The following NRXN3 variants were observed in gnomAD, a reference collection of about 807,000 sequenced individuals.
NRXN3 encodes neurexin 3, also known as neurexin III.
Under a neutral mutation model 137.6 loss-of-function variants are expected in NRXN3, and 32 were observed. The ratio of observed to expected loss-of-function variants is 0.23; its 90% CI spans 0.18 to 0.31. The LOEUF is 0.31. Among genes scored for constraint, NRXN3 ranks in the 10% least tolerant of loss-of-function variants. The pLI is 1.00. For synonymous variants in NRXN3, 798 were observed against 784.5 expected (o/e 1.02, Z -0.29); for missense variants, 1,574 against 2,062.5 (o/e 0.76, Z 4.59).
chr14:78,872,503 C>G (rs946356963), intron 10 of NRXN3, among the ~76,000 whole-genome samples: 10 of 151,462 alleles, frequency 6.6e-5, no homozygotes, highest in African/African-American at 1.9e-4. Flanking sequence ...ACCTTAGTCT[C>G]TTGTTTCATA....
At chr14:78,627,238 C>T (rs1434976059) in intron 4 of NRXN3, among the ~76,000 whole-genome samples, 1 of 151,538 alleles carries the variant, frequency 6.6e-6, no homozygotes, top group Non-Finnish European at 1.5e-5. Context: ...CTTTGTTTTT[C>T]CCTAGACTTG....
chr14:78,828,836 C>T (rs529670717), intron 10 of NRXN3, among the ~76,000 whole-genome samples: 13 of 152,210 alleles, frequency 8.5e-5, no homozygotes, highest in Admixed American at 1.3e-4. Flanking sequence ...TGCATAAAGA[C>T]TTAAGTGAGT....
intron 15 of NRXN3, among the ~76,000 whole-genome samples, chr14:79,069,602 A>C (rs2099685001): frequency 6.6e-6 from 1 of 150,706 alleles, no homozygotes; most frequent in Non-Finnish European, 1.5e-5. Flanking sequence ...CACTTTTCTG[A>C]TGAGTTAAAA....
chr14:78,431,747 GTAATAA>G (rs1382841908), intron 4 of NRXN3, among the ~76,000 whole-genome samples: 4 of 152,048 alleles, frequency 2.6e-5, no homozygotes, highest in South Asian at 2.1e-4. Flanking sequence ...AGATTATAAA[GTAATAA>G]TAATAATAGC....
intron 17 of NRXN3, among the ~76,000 whole-genome samples, chr14:79,684,899 G>A (rs557882699): frequency 6.6e-6 from 1 of 152,140 alleles, no homozygotes; most frequent in Admixed American, 6.6e-5. Flanking sequence ...CACAGAGGGT[G>A]GACACGTGGG....
chr14:78,514,823 T>C (rs1413801163), intron 4 of NRXN3, among the ~76,000 whole-genome samples: 1 of 151,772 alleles, frequency 6.6e-6, no homozygotes, highest in Non-Finnish European at 1.5e-5. Flanking sequence ...ACCACTTGGG[T>C]TGGGTGATAT....
chr14:79,486,622 A>G (rs1435870568), intron 16 of NRXN3, among the ~76,000 whole-genome samples: 1 of 152,240 alleles, frequency 6.6e-6, no homozygotes, highest in African/African-American at 2.4e-5. Context: ...CATTTTAGAT[A>G]TGAAGATATG....
At chr14:79,210,498 T>C (rs1366157473) in intron 15 of NRXN3, among the ~76,000 whole-genome samples, 1 of 152,174 alleles carries the variant, frequency 6.6e-6, no homozygotes, top group African/African-American at 2.4e-5. Flanking sequence ...CAACTAACAC[T>C]CTGGTTTATA....
At chr14:79,580,829 G>C (rs2097708636) in intron 16 of NRXN3, among the ~76,000 whole-genome samples, 1 of 152,026 alleles carries the variant, frequency 6.6e-6, no homozygotes, top group African/African-American at 2.4e-5. Context: ...TTAGCATATG[G>C]ACAGAAGGAA....
At chr14:79,656,608 C>A (rs991706348) in intron 16 of NRXN3, among the ~76,000 whole-genome samples, 1 of 148,706 alleles carries the variant, frequency 6.7e-6, no homozygotes, top group African/African-American at 2.5e-5. Flanking sequence ...TCCCTACTCT[C>A]TCTCTCTCTT....
intron 8 of NRXN3, among the ~76,000 whole-genome samples, chr14:78,755,849 T>A (rs1354836485): frequency 6.6e-6 from 1 of 152,216 alleles, no homozygotes. Context: ...TATCTGTATG[T>A]TTACCTATCT....
chr14:78,750,308 A>G (rs1441473610), intron 8 of NRXN3, among the ~76,000 whole-genome samples: 1 of 152,238 alleles, frequency 6.6e-6, no homozygotes, highest in Admixed American at 6.5e-5. Flanking sequence ...TCCTGGGTTC[A>G]TGAATGACAA....
At chr14:79,536,066 G>T (rs1208131619) in intron 16 of NRXN3, among the ~76,000 whole-genome samples, 2 of 152,194 alleles carry the variant, frequency 1.3e-5, no homozygotes, top group African/African-American at 4.8e-5. Flanking sequence ...TGTGTTTGAT[G>T]AGAGGATGGT....
intron 19 of NRXN3, among the ~76,000 whole-genome samples, chr14:79,790,379 T>C (rs1246673303): frequency 6.6e-6 from 1 of 152,060 alleles, no homozygotes; most frequent in East Asian, 1.9e-4. Context: ...CATGGCTCAC[T>C]GGAGCCTCAA....
At chr14:78,948,467 A>G (rs2099373961) in intron 10 of NRXN3, among the ~76,000 whole-genome samples, 1 of 152,140 alleles carries the variant, frequency 6.6e-6, no homozygotes, top group Admixed American at 6.5e-5. Context: ...GGACCATCAA[A>G]CTGTCTGAGC....
intron 10 of NRXN3, among the ~76,000 whole-genome samples, chr14:78,863,964 G>GA (rs1194145623): frequency 6.6e-6 from 1 of 152,040 alleles, no homozygotes; most frequent in Non-Finnish European, 1.5e-5. Context: ...CTTAGTAGAT[G>GA]AAAAATAGTA....
intron 15 of NRXN3, among the ~76,000 whole-genome samples, chr14:79,119,601 G>A (rs190445605): frequency 5.5e-4 from 83 of 152,242 alleles, no homozygotes; most frequent in African/African-American, 1.9e-3. Context: ...CCCAAAAGAT[G>A]AGATGAATCC....
At chr14:78,453,574 TAAGA>T (rs1231606496) in intron 4 of NRXN3, among the ~76,000 whole-genome samples, 1 of 152,232 alleles carries the variant, frequency 6.6e-6, no homozygotes, top group East Asian at 1.9e-4. Context: ...TTTTCCAGCA[TAAGA>T]AAGAGCATCC....
chr14:79,127,961 G>C (rs1325419250), intron 15 of NRXN3, among the ~76,000 whole-genome samples: 6 of 150,120 alleles, frequency 4.0e-5, no homozygotes, highest in African/African-American at 1.2e-4. Context: ...GTTCACTCAT[G>C]ATTTGGCTCT....
Sources: gnomAD v4.1 joint callset for allele counts (sites outside exome capture counted in the v4.1 genomes callset) on GRCh38, gnomAD v4.1.1 for gene constraint, MANE v1.5 for transcripts, NCBI Gene and HGNC (gene_info 2026-07-23, HGNC 2026-07-21) for gene names.